The following C12orf50 variants were observed in gnomAD, a reference collection of about 807,000 sequenced individuals.
C12orf50 encodes zinc finger CCCH-type containing 11D, also known as uncharacterized protein C12orf50.
In C12orf50, 35 loss-of-function variants were observed where a neutral mutation model predicts 61.6. The ratio of observed to expected loss-of-function variants is 0.57; its 90% CI spans 0.43 to 0.75. The LOEUF is 0.75. C12orf50 is among the 30% of genes least tolerant of loss of function. The pLI is 0.00. For synonymous variants in C12orf50, 178 were observed against 161.5 expected, an observed-to-expected ratio of 1.10 and a Z score of -0.77; for missense variants, 475 against 488.5, an observed-to-expected ratio of 0.97 and a Z score of 0.26.
At chr12:88,011,612 C>T (rs2032112823) in intron 3 of C12orf50, among the ~76,000 whole-genome samples, 1 of 152,166 alleles carries the variant, frequency 6.6e-6, no homozygotes, top group South Asian at 2.1e-4. Context: ...ATTAAGTTGC[C>T]CATGTTTACA....
At chr12:88,002,767 G>C (rs2031704151) in intron 3 of C12orf50, among the ~76,000 whole-genome samples, 1 of 151,430 alleles carries the variant, frequency 6.6e-6, no homozygotes, top group Admixed American at 6.6e-5. Context: ...ATGTTCTGCT[G>C]TTTCTCTTTC....
chr12:88,011,632 A>G (rs1258062612), intron 3 of C12orf50, among the ~76,000 whole-genome samples: 1 of 152,178 alleles, frequency 6.6e-6, no homozygotes, highest in African/African-American at 2.4e-5. Flanking sequence ...AGTGGCAAAT[A>G]TGTGGTAGGT....
intron 3 of C12orf50, among the ~76,000 whole-genome samples, chr12:88,007,046 A>G (rs1181647500): frequency 6.6e-6 from 1 of 152,222 alleles, no homozygotes; most frequent in African/African-American, 2.4e-5. Context: ...CATTGAAATC[A>G]ATTGTTATTT....
chr12:88,010,843 T>G (rs2032082490), intron 3 of C12orf50, among the ~76,000 whole-genome samples: 1 of 151,988 alleles, frequency 6.6e-6, no homozygotes, highest in Non-Finnish European at 1.5e-5. Flanking sequence ...GCAGTAAAAC[T>G]TCAGACACTG....
chr12:87,991,307 A>G (rs2031109855), intron 7 of C12orf50, among the ~76,000 whole-genome samples: 1 of 152,168 alleles, frequency 6.6e-6, no homozygotes, highest in Non-Finnish European at 1.5e-5. Flanking sequence ...GCATAGTAAG[A>G]CAGGACAATT....
At chr12:88,025,221 G>A (rs908282853) in intron 3 of C12orf50, among the ~76,000 whole-genome samples, 1 of 152,144 alleles carries the variant, frequency 6.6e-6, no homozygotes, top group African/African-American at 2.4e-5. Context: ...GACAAGAGAA[G>A]GCAATGTCTA....
intron 8 of C12orf50, among the ~76,000 whole-genome samples, chr12:87,988,407 T>C (rs1592648436): frequency 6.6e-6 from 1 of 152,192 alleles, no homozygotes; most frequent in Non-Finnish European, 1.5e-5. Context: ...CTGTTCAATA[T>C]GGCAGCCACT....
Position 88,026,476 on chromosome 12 carries a change from A to G in C12orf50, c.133+12T>C. 1 of 1,612,740 alleles carries G rather than the reference A, an allele frequency of 6.2e-7. No individual in the cohort carries two copies. Among genetic ancestry groups the G allele is most frequent in the Non-Finnish European group, 8.5e-7 (1 of 1,179,586 alleles). On this transcript the variant is annotated intron_variant, in intron 3 of 12. Transcript: ENST00000298699. ...ATATGGTAAGTCTATGTTATTCAAA[A>G]AATGTACTCACTGCTACTTGGTGGC... is the stretch of plus-strand genomic sequence containing the variant.
At chr12:87,982,741 T>C (rs994393718) in intron 12 of C12orf50, among the ~76,000 whole-genome samples, 13 of 150,852 alleles carry the variant, frequency 8.6e-5, no homozygotes, top group Non-Finnish European at 1.6e-4. Flanking sequence ...GTAGATATAG[T>C]AAAGCTTTAA....
chr12:87,994,336 T>C (rs1015681261), intron 7 of C12orf50, among the ~76,000 whole-genome samples: 2 of 152,092 alleles, frequency 1.3e-5, no homozygotes, highest in Non-Finnish European at 2.9e-5. Context: ...GAATTCATTA[T>C]AGTCTGGAGT....
intron 7 of C12orf50, among the ~76,000 whole-genome samples, chr12:87,990,987 G>A (rs79606326): frequency 0.05 from 7,670 of 152,098 alleles, 611 homozygotes; most frequent in African/African-American, 0.17. Context: ...TTTGGCATTC[G>A]AGCTTTGCCA....
At chr12:87,997,697 A>T (rs1392067211) in intron 4 of C12orf50, among the ~76,000 whole-genome samples, 2 of 152,116 alleles carry the variant, frequency 1.3e-5, no homozygotes, top group African/African-American at 2.4e-5. Flanking sequence ...TTTGCTGAGA[A>T]TGATGGTTTC....
chr12:88,027,978 T>G (rs2032768404), intron 1 of C12orf50: 1 of 152,210 alleles, frequency 6.6e-6, no homozygotes, highest in Non-Finnish European at 1.5e-5. Context: ...TTTGAAACCC[T>G]GGGCGCCACC....
chr12:87,996,560 A>T lies in C12orf50; in HGVS notation c.367+9T>A, dbSNP rs759165298. The T allele has an allele frequency of 1.2e-6, 2 of 1,603,980 alleles. No individual in the cohort carries two copies. Among genetic ancestry groups the T allele is most frequent in the Admixed American group, 3.3e-5 (2 of 59,848 alleles). On this transcript the variant is annotated intron_variant, in intron 5 of 12. Transcript: ENST00000298699. ...GTATTAGAAAATACAAAAATGTTTG[A>T]TTTCTTACCAGATTTATAACACATC...
chr12:88,004,662 A>C (rs2031785731), intron 3 of C12orf50, among the ~76,000 whole-genome samples: 1 of 152,222 alleles, frequency 6.6e-6, no homozygotes, highest in South Asian at 2.1e-4. Flanking sequence ...CTGGATAAAG[A>C]AAATGTGGCA....
chr12:88,001,753 T>C (rs2031664546), intron 3 of C12orf50, among the ~76,000 whole-genome samples: 1 of 151,624 alleles, frequency 6.6e-6, no homozygotes, highest in Admixed American at 6.6e-5. Context: ...GTCTATTTTA[T>C]ATAAGTTATC....
intron 2 of C12orf50, 75 bp from the exon 3 acceptor site, chr12:88,026,683 A>G: frequency 1.3e-6 from 2 of 1,543,954 alleles, no homozygotes; most frequent in Non-Finnish European, 1.8e-6. Flanking sequence ...GCTACAATAC[A>G]GCACAAGGAC....
At chr12:87,992,009 T>C (rs1417640336) in intron 7 of C12orf50, among the ~76,000 whole-genome samples, 1 of 152,154 alleles carries the variant, frequency 6.6e-6, no homozygotes, top group East Asian at 1.9e-4. Flanking sequence ...AGCATTCTCA[T>C]TTCAGTTCAT....
At chr12:87,994,789 C>A in intron 6 of C12orf50, 46 bp from the exon 7 acceptor site, 6 of 1,206,864 alleles carry the variant, frequency 5.0e-6, no homozygotes, top group South Asian at 1.3e-5. Context: ...TTATTAGATG[C>A]TTAAATAAGA....
Sources: allele counts gnomAD v4.1 joint callset (sites outside exome capture counted in the v4.1 genomes callset), GRCh38; gene constraint gnomAD v4.1.1; transcripts MANE v1.5; gene names NCBI Gene and HGNC (gene_info 2026-07-23, HGNC 2026-07-21).